LARS1: variants seen among roughly 807,000 people sequenced by gnomAD.
LARS1 encodes leucine--tRNA ligase, cytoplasmic.
In LARS1, 100 loss-of-function variants were observed where a neutral mutation model predicts 162.8. The ratio of observed to expected loss-of-function variants is 0.61; its 90% confidence interval spans 0.52 to 0.73. The LOEUF is 0.73. Ranked by LOEUF, LARS1 falls within the 30% of genes least tolerant of loss-of-function variation. LARS1 has a pLI of 0.00. For missense variants in LARS1, 1,258 were observed against 1,408.9 expected (o/e 0.89, Z 1.71); for synonymous variants, 457 against 462.8 (o/e 0.99, Z 0.16).
chr5:146,115,581 CAAAAAAAAA>C (rs58644900), intron 31 of LARS1, among the ~76,000 whole-genome samples: 3 of 20,584 alleles, frequency 1.5e-4, no homozygotes, highest in Admixed American at 9.2e-4. Flanking sequence ...AGCGCCTGAC[CAAAAAAAAA>C]AAAAAAAAAA....
At chr5:146,160,111 A>G (rs889442102) in intron 7 of LARS1, among the ~76,000 whole-genome samples, 2 of 152,174 alleles carry the variant, frequency 1.3e-5, no homozygotes, top group African/African-American at 4.8e-5. Context: ...AAGGTAGGCT[A>G]CAAGGTATTT....
intron 20 of LARS1, among the ~76,000 whole-genome samples, chr5:146,140,807 A>C (rs1429643962): frequency 6.6e-6 from 1 of 152,154 alleles, no homozygotes; most frequent in Admixed American, 6.5e-5. Flanking sequence ...TCCCTCTCAA[A>C]AAAATGTATA....
rs1199698675 is a variant in LARS1, at chr5:146,174,467, TATATATATATATATATCC to T, written c.126-1711_126-1694del. On this transcript the variant is annotated intron_variant, in intron 2 of 31. Transcript: ENST00000394434. The stretch of plus-strand genomic sequence containing the variant: ...TCTCAAATATATATATATATATCCA[TATATATATATATATATCC>T]ATATATATATATATCCATATATATA... 7.4e-3 allele frequency among the ~76,000 whole-genome samples: 38 copies of T among 5,114 alleles called. 1 individual carries two copies. Among genetic ancestry groups the T allele is most frequent in the Non-Finnish European group, 9.2e-3 (19 of 2,072 alleles). 3.4% of individuals were successfully genotyped at this position (5,114 alleles called of 152,430 possible).
rs775210731 is a variant in LARS1, at chr5:146,151,876, C to G, written c.1411G>C (p.Gly471Arg). The change falls in exon 14 of 32, where the codon GGA (glycine) becomes CGA (arginine). Residue 471 changes from glycine (G) to arginine (R), a missense_variant. Coordinates refer to ENST00000394434, the MANE Select transcript of LARS1 (RefSeq NM_020117.11). ...AEAKEKIYLK[G>R]FYEGIMLVDG... ...TTATTACTTACACCCTCATAAAATC[C>G]TTTTAGATATATCTTCTCCTTTGCT... The G allele has an allele frequency of 6.2e-7, 1 of 1,613,638 alleles. No individual in the cohort carries two copies. Among genetic ancestry groups the G allele is most frequent in the South Asian group, 1.1e-5 (1 of 91,080 alleles).
At position 146,132,532 on chromosome 5, in the gene LARS1, T is replaced by C. The variant is rs934504915; in HGVS notation, c.2396+366A>G. 1.5e-4 allele frequency: 25 copies of C among 164,528 alleles called. No homozygotes were observed. In the East Asian group the frequency reaches 4.1e-3, roughly 27 times the overall value. The allele number at this position is 164,528 out of a possible 1,614,324, so 10.2% of individuals were successfully genotyped here. A position where few individuals can be genotyped will look rare whatever the true frequency, so the allele number is the denominator to read the frequency against. Reference sequence around the variant, plus strand: ...TGCCCTACTCGAAAACAAGACAACATGGTAAAATGGTTATGAGAACAGACT... The same window carrying C: ...TGCCCTACTCGAAAACAAGACAACACGGTAAAATGGTTATGAGAACAGACT... On this transcript the variant is annotated intron_variant, in intron 23 of 31. Coordinates refer to ENST00000394434, the MANE Select transcript of LARS1 (RefSeq NM_020117.11).
chr5:146,157,437 C>A lies in LARS1; in HGVS notation c.1031G>T (p.Gly344Val). The A allele has an allele frequency of 6.2e-7, 1 of 1,614,152 alleles. No homozygotes were observed. Residue 344 changes from glycine to valine, a missense_variant, in exon 10 of 32, where the codon GGC (glycine) becomes GTC (valine). Physicochemically the swap from Gly to Val is moderately radical, Grantham distance 109 (BLOSUM62 -3). Transcript: ENST00000394434. ...TAATTCCTTAACAACAGGCACCACG[C>A]CATTGTCTTTGGTAAAGCCCTGGTA... Reference protein sequence around the residue: ...MSYQGFTKDNGVVPVVKELMG... With the variant: ...MSYQGFTKDNVVVPVVKELMG...
rs753399472 is a variant in LARS1 at position 146,133,091 on chromosome 5, GA to G, written c.2213-11del. On this transcript the variant is annotated splice_polypyrimidine_tract_variant and intron_variant, in intron 22 of 31. Coordinates refer to ENST00000394434, the MANE Select transcript of LARS1 (RefSeq NM_020117.11). ...AGAGCCAAACGCATTCCTGGAAGAAGAAAAAAAAATTCAATGCATTAAAAAT... is the reference window on the plus strand; with the variant it reads ...AGAGCCAAACGCATTCCTGGAAGAAGAAAAAAAATTCAATGCATTAAAAAT... 3.1e-5 allele frequency: 50 copies of G among 1,595,118 alleles called. No homozygotes were observed. The highest frequency in any genetic ancestry group is 1.4e-4 in the Admixed American group (8 of 56,248).
intron 14 of LARS1, among the ~76,000 whole-genome samples, chr5:146,150,935 T>C: frequency 2.7e-5 from 2 of 74,302 alleles, no homozygotes; most frequent in South Asian, 5.7e-4. Context: ...CAAGACTCCG[T>C]CAGATAGACA....
Position 146,133,085 on chromosome 5 carries a change from G to A in LARS1, c.2213-4C>T. On this transcript the variant is annotated splice_region_variant and splice_polypyrimidine_tract_variant and intron_variant, in intron 22 of 31. Coordinates refer to ENST00000394434, the MANE Select transcript of LARS1 (RefSeq NM_020117.11). ...TCAGCCAGAGCCAAACGCATTCCTG[G>A]AAGAAGAAAAAAAAATTCAATGCAT... is the stretch of plus-strand genomic sequence containing the variant. 2 of 1,604,016 alleles carry A rather than the reference G, an allele frequency of 1.2e-6. No homozygotes were observed. Among genetic ancestry groups the A allele is most frequent in the African/African-American group, 1.4e-5 (1 of 74,072 alleles).
rs368712596 is a variant in LARS1, at chr5:146,173,717, C to T, written c.126-943G>A. On this transcript the variant is annotated intron_variant, in intron 2 of 31. Coordinates refer to ENST00000394434, the MANE Select transcript of LARS1 (RefSeq NM_020117.11). ...ATAATAAAATGAACACTTGTAAACACACCATCTGACTTATGAATCCACTGA... is the reference window on the plus strand; with the variant it reads ...ATAATAAAATGAACACTTGTAAACATACCATCTGACTTATGAATCCACTGA... Among the ~76,000 whole-genome samples the T allele has an allele frequency of 2.6e-5, 4 of 152,112 alleles. No individual in the cohort carries two copies. In the South Asian group the frequency reaches 8.3e-4, roughly 32 times the overall value.
chr5:146,177,004 C>G (rs749355604), intron 2 of LARS1, among the ~76,000 whole-genome samples: 1 of 151,954 alleles, frequency 6.6e-6, no homozygotes, highest in African/African-American at 2.4e-5. Context: ...ACAAAACAAA[C>G]TTTATTTAGA....
In LARS1 at chr5:146,143,486, C is replaced by A; in HGVS notation, c.1803G>T (p.Met601Ile). Reference sequence around the variant, plus strand: ...ATAGGTGTGCAACTGTGTAAAATGCCATGTAAATAGTGGAGTCAGAAAGTG... The same window carrying A: ...ATAGGTGTGCAACTGTGTAAAATGCAATGTAAATAGTGGAGTCAGAAAGTG... ...IESLSDSTIY[M>I]AFYTVAHLLQ... is the part of the protein sequence containing the mutation. Residue 601 changes from methionine to isoleucine, a missense_variant, in exon 19 of 32, where the codon ATG (methionine) becomes ATT (isoleucine). Transcript: ENST00000394434. 2 of 1,614,016 alleles carry A rather than the reference C, an allele frequency of 1.2e-6. No homozygotes were observed. Among genetic ancestry groups the A allele is most frequent in the Non-Finnish European group, 1.7e-6 (2 of 1,179,936 alleles).
chr5:146,169,883 T>C (rs561730344), intron 4 of LARS1, among the ~76,000 whole-genome samples: 130 of 152,170 alleles, frequency 8.5e-4, no homozygotes, highest in Non-Finnish European at 7.2e-4. Context: ...AAAGTCACCT[T>C]TAGAATGAGG....
intron 29 of LARS1, 57 bp from the exon 30 acceptor site, chr5:146,122,644 A>C (rs746849501): frequency 2.9e-5 from 26 of 895,708 alleles, no homozygotes; most frequent in Non-Finnish European, 3.9e-5. Flanking sequence ...ATTCAAATTA[A>C]TCATCACCTC....
At chr5:146,134,880 T>TG (rs1254567653) in intron 22 of LARS1, among the ~76,000 whole-genome samples, 21 of 152,156 alleles carry the variant, frequency 1.4e-4, no homozygotes, top group African/African-American at 4.3e-4. Flanking sequence ...ACCCTGGAGA[T>TG]GGAGGTTGCA....
intron 21 of LARS1, 57 bp downstream of exon 21, chr5:146,140,147 C>T (rs980035409): frequency 3.9e-5 from 53 of 1,367,446 alleles, no homozygotes; most frequent in Middle Eastern, 1.8e-4. Flanking sequence ...GTGCAACAAC[C>T]TAAATCTGAA....
At chr5:146,149,542 T>C in intron 15 of LARS1, 80 bp downstream of exon 15, 2 of 980,946 alleles carry the variant, frequency 2.0e-6, no homozygotes, top group Admixed American at 1.8e-5. Context: ...GGTTCTACTG[T>C]AGAACTCACT....
At chr5:146,173,912 T>C (rs1754389322) in intron 2 of LARS1, among the ~76,000 whole-genome samples, 1 of 152,134 alleles carries the variant, frequency 6.6e-6, no homozygotes, top group African/African-American at 2.4e-5. Flanking sequence ...GCATACTTCA[T>C]ATAGACTTCT....
At chr5:146,166,314 G>C (rs1230443668) in intron 5 of LARS1, among the ~76,000 whole-genome samples, 1 of 152,084 alleles carries the variant, frequency 6.6e-6, no homozygotes, top group South Asian at 2.1e-4. Flanking sequence ...ACTCCCAATG[G>C]CCACAGCTAG....
Sources: gnomAD v4.1 joint callset for allele counts (sites outside exome capture counted in the v4.1 genomes callset) on GRCh38, gnomAD v4.1.1 for gene constraint, MANE v1.5 for transcripts, NCBI Gene and HGNC (gene_info 2026-07-23, HGNC 2026-07-21) for gene names.